The following HLCS variants were observed in gnomAD, a reference collection of about 807,000 sequenced individuals.
HLCS encodes biotin--protein ligase.
Under a neutral mutation model 75.0 loss-of-function variants are expected in HLCS, and 53 were observed. That is an observed-to-expected ratio of 0.71 (90% CI 0.57 to 0.89). The LOEUF is 0.89. Among genes scored for constraint, HLCS ranks in the 40% least tolerant of loss-of-function variants. The probability of loss-of-function intolerance (pLI) is 0.00; values close to 1 mark genes in which losing one functional copy is unlikely to be tolerated. For missense variants in HLCS, 966 were observed against 1,074.0 expected, an observed-to-expected ratio of 0.90 and a Z score of 1.41; for synonymous variants, 431 against 428.6, an observed-to-expected ratio of 1.01 and a Z score of -0.07.
At chr21:36,854,662 G>A (rs1366342059) in intron 6 of HLCS, among the ~76,000 whole-genome samples, 4 of 152,128 alleles carry the variant, frequency 2.6e-5, no homozygotes, top group African/African-American at 9.7e-5. Context: ...TGCCCCCTAG[G>A]GGACATTTCA....
At chr21:36,879,513 G>C (rs1172365500) in intron 6 of HLCS, among the ~76,000 whole-genome samples, 1 of 152,138 alleles carries the variant, frequency 6.6e-6, no homozygotes, top group African/African-American at 2.4e-5. Context: ...TTTGGGAAAA[G>C]ATTACATTTT....
chr21:36,759,865 T>G (rs765472058), intron 8 of HLCS, 24 bp from the exon 9 acceptor site: 2 of 1,472,422 alleles, frequency 1.4e-6, no homozygotes, highest in African/African-American at 2.8e-5. Context: ...TGCACATTAA[T>G]TAAGCCGTCA....
intron 6 of HLCS, among the ~76,000 whole-genome samples, chr21:36,867,124 T>C (rs1392888497): frequency 6.6e-6 from 1 of 152,174 alleles, no homozygotes; most frequent in East Asian, 1.9e-4. Flanking sequence ...AGACACATGC[T>C]TGATGACCCA....
chr21:36,862,254 C>T (rs2063404778), intron 6 of HLCS, among the ~76,000 whole-genome samples: 1 of 152,162 alleles, frequency 6.6e-6, no homozygotes, highest in Admixed American at 6.5e-5. Context: ...CCATGAATAT[C>T]CACATGCAAG....
At chr21:36,878,591 T>C (rs1039347930) in intron 6 of HLCS, among the ~76,000 whole-genome samples, 3 of 152,158 alleles carry the variant, frequency 2.0e-5, no homozygotes, top group Admixed American at 1.3e-4. Flanking sequence ...AATATACACA[T>C]AGTAGTACAG....
chr21:36,869,181 G>C (rs1346005197), intron 6 of HLCS, among the ~76,000 whole-genome samples: 1 of 152,000 alleles, frequency 6.6e-6, no homozygotes, highest in African/African-American at 2.4e-5. Flanking sequence ...CTGGAGTGCA[G>C]TGGTGCGATC....
intron 6 of HLCS, among the ~76,000 whole-genome samples, chr21:36,890,094 C>T (rs1223874272): frequency 1.3e-5 from 2 of 152,136 alleles, no homozygotes; most frequent in Admixed American, 6.5e-5. Flanking sequence ...TCCTGCCTGC[C>T]GCCTTGTGAA....
upstream of HLCS, among the ~76,000 whole-genome samples, chr21:36,968,076 G>T (rs574992347): frequency 6.6e-6 from 1 of 152,038 alleles, no homozygotes; most frequent in Non-Finnish European, 1.5e-5. Context: ...CTGGAGTGCC[G>T]TGGCATAATC....
intron 6 of HLCS, among the ~76,000 whole-genome samples, chr21:36,804,678 G>A (rs1458900012): frequency 6.6e-6 from 1 of 152,054 alleles, no homozygotes; most frequent in Admixed American, 6.5e-5. Context: ...TCCTCAAAGG[G>A]CATTTAAGAT....
chr21:36,857,849 G>A (rs2063249491), intron 6 of HLCS, among the ~76,000 whole-genome samples: 1 of 152,162 alleles, frequency 6.6e-6, no homozygotes, highest in Non-Finnish European at 1.5e-5. Flanking sequence ...AAGTGCAGTG[G>A]TGCAATCTCG....
intron 6 of HLCS, among the ~76,000 whole-genome samples, chr21:36,787,272 G>A (rs760929503): frequency 1.3e-5 from 2 of 152,134 alleles, no homozygotes; most frequent in Non-Finnish European, 2.9e-5. Context: ...GGGCCACCGT[G>A]GGACGAGGCA....
At chr21:36,773,349 C>T (rs940407706) in intron 6 of HLCS, among the ~76,000 whole-genome samples, 2 of 152,246 alleles carry the variant, frequency 1.3e-5, no homozygotes, top group Non-Finnish European at 2.9e-5. Flanking sequence ...GCCAAGGCCA[C>T]GGAGGGCTGG....
At chr21:36,957,753 C>T (rs1349294344) in intron 2 of HLCS, among the ~76,000 whole-genome samples, 1 of 148,722 alleles carries the variant, frequency 6.7e-6, no homozygotes, top group Non-Finnish European at 1.5e-5. Flanking sequence ...CATGGTGAAA[C>T]CCCGTCTCCA....
In HLCS at chr21:36,791,355, G is replaced by A. The variant is rs181127129; in HGVS notation, c.1893-24070C>T. Among the ~76,000 whole-genome samples the A allele has an allele frequency of 2.7e-3, 413 of 152,246 alleles. 1 individual carries two copies. The highest frequency in any genetic ancestry group is 4.6e-3 in the Non-Finnish European group (310 of 68,026). ...CAGTGAGACCGCTTTCAGCATTTGC[G>A]AGAAGCTGCTCACCAACTGCCAAGT... is the stretch of plus-strand genomic sequence containing the variant. On this transcript the variant is annotated intron_variant, in intron 6 of 10. Transcript: ENST00000674895.
At chr21:36,867,200 T>C (rs1230656934) in intron 6 of HLCS, among the ~76,000 whole-genome samples, 3 of 152,238 alleles carry the variant, frequency 2.0e-5, no homozygotes, top group African/African-American at 4.8e-5. Flanking sequence ...TCGATGGGCG[T>C]TGCAACATTG....
At chr21:36,861,890 C>CA (rs2063393666) in intron 6 of HLCS, among the ~76,000 whole-genome samples, 1 of 152,120 alleles carries the variant, frequency 6.6e-6, no homozygotes, top group South Asian at 2.1e-4. Context: ...TCATCACCCC[C>CA]AAAAGAAATC....
At chr21:36,859,824 C>A (rs182012722) in intron 6 of HLCS, among the ~76,000 whole-genome samples, 10 of 152,354 alleles carry the variant, frequency 6.6e-5, no homozygotes, top group Non-Finnish European at 1.3e-4. Context: ...TGTGGGGAAG[C>A]CTTCAGCAGC....
At chr21:36,897,464 C>A (rs751423935) in intron 5 of HLCS, among the ~76,000 whole-genome samples, 1 of 152,156 alleles carries the variant, frequency 6.6e-6, no homozygotes, top group Non-Finnish European at 1.5e-5. Context: ...TCCAGTCCTC[C>A]GTTCATTTTA....
In HLCS at chr21:36,930,510, CTTTTTT is replaced by C. The variant is rs372165359; in HGVS notation, c.1438-83_1438-78del. ...GAAAAACAGTTTCTTTTTTCTTTTTCTTTTTTTTTTTAAATTTAGAGACAGGATCTC... is the reference window on the plus strand; with the variant it reads ...GAAAAACAGTTTCTTTTTTCTTTTTCTTTTTAAATTTAGAGACAGGATCTC... On this transcript the variant is annotated intron_variant, in intron 4 of 10. Transcript: ENST00000674895. 2.9e-6 allele frequency: 3 copies of C among 1,036,546 alleles called. No individual in the cohort carries two copies. The East Asian group carries it at 9.3e-5, about 32-fold the overall frequency. The allele number at this position is 1,036,546 out of a possible 1,614,324, so 64.2% of individuals were successfully genotyped here. A position where few individuals can be genotyped will look rare whatever the true frequency, so the allele number is the denominator to read the frequency against.
Sources: allele counts gnomAD v4.1 joint callset (sites outside exome capture counted in the v4.1 genomes callset), GRCh38; gene constraint gnomAD v4.1.1; transcripts MANE v1.5; gene names NCBI Gene and HGNC (gene_info 2026-07-23, HGNC 2026-07-21).